SORCS1: variants seen among roughly 807,000 people sequenced by gnomAD.
SORCS1 encodes sortilin related VPS10 domain containing receptor 1, also known as VPS10 domain-containing receptor SorCS1.
In SORCS1, 60 loss-of-function variants were observed where a neutral mutation model predicts 146.1. The ratio of observed to expected loss-of-function variants is 0.41; its 90% CI spans 0.33 to 0.51. SORCS1 has a LOEUF of 0.51. SORCS1 is among the 20% of genes least tolerant of loss of function. SORCS1 has a pLI of 0.21. For synonymous variants in SORCS1, 637 were observed against 584.0 expected, an observed-to-expected ratio of 1.09 and a Z score of -1.31; for missense variants, 1,352 against 1,487.6, an observed-to-expected ratio of 0.91 and a Z score of 1.50.
chr10:106,821,929 T>TAAA (rs879535333), intron 3 of SORCS1, among the ~76,000 whole-genome samples: 1 of 99,914 alleles, frequency 1.0e-5, no homozygotes, highest in Non-Finnish European at 2.2e-5. Flanking sequence ...CTCAAAAAAA[T>TAAA]AAAAAAAAAA....
chr10:106,939,028 A>G (rs566134649), intron 2 of SORCS1, among the ~76,000 whole-genome samples: 19 of 152,366 alleles, frequency 1.2e-4, no homozygotes, highest in African/African-American at 4.3e-4. Context: ...GGAAGAGAAT[A>G]GTGTAAATTC....
Position 107,014,163 on chromosome 10 carries a change from A to G in SORCS1, c.559-57583T>C, listed in dbSNP as rs557567002. 4.0e-5 allele frequency among the ~76,000 whole-genome samples: 6 copies of G among 151,468 alleles called. No individual in the cohort carries two copies. The South Asian group carries it at 1.3e-3, about 32-fold the overall frequency. On this transcript the variant is annotated intron_variant, in intron 1 of 25. Transcript: ENST00000263054. ...GCTACTTGGGTGGCTGAGGCAGGAG[A>G]ATTGCTTGAACCTGGGAGGCAGAGG...
intron 2 of SORCS1, among the ~76,000 whole-genome samples, chr10:106,924,653 A>C (rs1389818878): frequency 6.6e-6 from 1 of 152,138 alleles, no homozygotes; most frequent in East Asian, 1.9e-4. Flanking sequence ...CACCATCCTC[A>C]CTTTCTATTT....
intron 1 of SORCS1, among the ~76,000 whole-genome samples, chr10:107,083,388 T>C (rs1963490581): frequency 6.6e-6 from 1 of 152,176 alleles, no homozygotes; most frequent in African/African-American, 2.4e-5. Flanking sequence ...TATTTCAATT[T>C]TTTCCATTCG....
intron 1 of SORCS1, among the ~76,000 whole-genome samples, chr10:107,100,151 T>G (rs1964815661): frequency 6.6e-6 from 1 of 152,150 alleles, no homozygotes; most frequent in Non-Finnish European, 1.5e-5. Flanking sequence ...ATTTAAATGT[T>G]TTTACCTCAC....
chr10:106,698,119 T>C (rs987469016), intron 9 of SORCS1, among the ~76,000 whole-genome samples: 1 of 152,246 alleles, frequency 6.6e-6, no homozygotes, highest in African/African-American at 2.4e-5. Context: ...TTTACTAACA[T>C]GCTTTTATAC....
chr10:106,941,853 C>T (rs1243551786), intron 2 of SORCS1, among the ~76,000 whole-genome samples: 1 of 152,202 alleles, frequency 6.6e-6, no homozygotes, highest in Non-Finnish European at 1.5e-5. Flanking sequence ...ATCACAGGGA[C>T]TGCCGGTTGT....
At chr10:107,009,231 A>G (rs961057925) in intron 1 of SORCS1, among the ~76,000 whole-genome samples, 1 of 152,238 alleles carries the variant, frequency 6.6e-6, no homozygotes, top group African/African-American at 2.4e-5. Context: ...GAAAAACTGT[A>G]AAATGTTGTG....
chr10:106,751,644 C>A lies in SORCS1; in HGVS notation c.959+9944G>T, dbSNP rs558526816. 2.6e-5 allele frequency among the ~76,000 whole-genome samples: 4 copies of A among 152,188 alleles called. No homozygotes were observed. In the East Asian group the frequency reaches 7.7e-4, roughly 29 times the overall value. On this transcript the variant is annotated intron_variant, in intron 5 of 25. Coordinates refer to ENST00000263054, the MANE Select transcript of SORCS1 (RefSeq NM_052918.5). Reference sequence around the variant, plus strand: ...CTTTCATGGATCTAAAATTTTCATTCCTTCAATATATATACTCCAGTGATT... The same window carrying A: ...CTTTCATGGATCTAAAATTTTCATTACTTCAATATATATACTCCAGTGATT...
At chr10:106,957,989 A>G (rs1955044089) in intron 1 of SORCS1, among the ~76,000 whole-genome samples, 1 of 152,208 alleles carries the variant, frequency 6.6e-6, no homozygotes, top group Non-Finnish European at 1.5e-5. Flanking sequence ...GGAAGTTGAT[A>G]AAGAGCTATA....
At chr10:106,641,178 T>C (rs1339498989) in intron 18 of SORCS1, among the ~76,000 whole-genome samples, 1 of 152,168 alleles carries the variant, frequency 6.6e-6, no homozygotes, top group East Asian at 1.9e-4. Context: ...AGAATAGCTA[T>C]GTGGCTCTCT....
intron 23 of SORCS1, among the ~76,000 whole-genome samples, chr10:106,601,018 G>C (rs1846207406): frequency 6.6e-6 from 1 of 152,166 alleles, no homozygotes; most frequent in Non-Finnish European, 1.5e-5. Context: ...CAGGAGTGGG[G>C]ATTTCCTAAC....
At chr10:106,804,154 C>A (rs904891242) in intron 3 of SORCS1, among the ~76,000 whole-genome samples, 3 of 152,016 alleles carry the variant, frequency 2.0e-5, no homozygotes, top group Non-Finnish European at 4.4e-5. Context: ...CAAAGAAAAT[C>A]TCTTCATTAT....
At position 106,579,446 on chromosome 10, in the gene SORCS1, G is replaced by T. The variant is rs374972215; in HGVS notation, c.3294C>A (p.His1098Gln). 1.2e-6 allele frequency: 2 copies of T among 1,613,876 alleles called. No individual in the cohort carries two copies. The highest frequency in any genetic ancestry group is 2.2e-5 in the South Asian group (2 of 91,048). Residue 1098 changes from histidine to glutamine, a missense_variant, in exon 25 of 26, where the codon CAC becomes CAA. Physicochemically the swap from His to Gln is conservative, Grantham distance 24 (BLOSUM62 0). Coordinates refer to ENST00000263054, the MANE Select transcript of SORCS1 (RefSeq NM_052918.5). The part of the protein sequence containing the change: ...AAPLVDLTPT[H>Q]SGSAMLMLLS... Reference sequence around the variant, plus strand: ...GCAGCATCAGCATGGCAGATCCACTGTGGGTTGGAGTGAGGTCCACCAGGG... The same window carrying T: ...GCAGCATCAGCATGGCAGATCCACTTTGGGTTGGAGTGAGGTCCACCAGGG...
chr10:106,781,459 G>T (rs1860890283), intron 3 of SORCS1, among the ~76,000 whole-genome samples: 1 of 152,144 alleles, frequency 6.6e-6, no homozygotes, highest in Admixed American at 6.5e-5. Flanking sequence ...TTCAGCTCCA[G>T]ATGCCCATAT....
rs12570274 is a variant in SORCS1 at position 107,162,127 on chromosome 10, G to T, written c.558+1842C>A. 2.0e-3 allele frequency among the ~76,000 whole-genome samples: 306 copies of T among 152,220 alleles called. 10 individuals are homozygous for T. In the East Asian group the frequency reaches 0.054, roughly 27 times the overall value. On this transcript the variant is annotated intron_variant, in intron 1 of 25. Coordinates refer to ENST00000263054, the MANE Select transcript of SORCS1 (RefSeq NM_052918.5). Reference sequence around the variant, plus strand: ...GCTTGGCACCATTTCCTAAACGGAGGTTAAAAATTTGCCAAAGATGTATTC... The same window carrying T: ...GCTTGGCACCATTTCCTAAACGGAGTTTAAAAATTTGCCAAAGATGTATTC...
intron 2 of SORCS1, among the ~76,000 whole-genome samples, chr10:106,947,070 C>A (rs531903494): frequency 6.6e-6 from 1 of 152,246 alleles, no homozygotes; most frequent in East Asian, 1.9e-4. Flanking sequence ...CACTTGTGGT[C>A]AGGAAAATAC....
At chr10:107,111,043 C>A (rs1269312915) in intron 1 of SORCS1, among the ~76,000 whole-genome samples, 1 of 152,172 alleles carries the variant, frequency 6.6e-6, no homozygotes, top group East Asian at 1.9e-4. Context: ...TATAGGCAAT[C>A]CCATCAGCTC....
intron 4 of SORCS1, among the ~76,000 whole-genome samples, chr10:106,775,250 T>C (rs1464420127): frequency 1.3e-5 from 2 of 152,236 alleles, no homozygotes; most frequent in Non-Finnish European, 2.9e-5. Flanking sequence ...TAATACTCTG[T>C]CTGAGCTGGT....
Sources: allele counts gnomAD v4.1 joint callset (sites outside exome capture counted in the v4.1 genomes callset), GRCh38; gene constraint gnomAD v4.1.1; transcripts MANE v1.5; gene names NCBI Gene and HGNC (gene_info 2026-07-23, HGNC 2026-07-21).